The following NSMCE2 variants were observed in gnomAD, a reference collection of about 807,000 sequenced individuals.
NSMCE2 encodes E3 SUMO-protein ligase NSE2.
NSMCE2 carries 24 observed loss-of-function variants against 23.8 expected under a neutral mutation model. The observed-to-expected ratio is 1.01, with a 90% CI of 0.73 to 1.42. NSMCE2 has a LOEUF of 1.42. Among genes scored for constraint, NSMCE2 ranks in the 40% most tolerant of loss-of-function variants. The pLI is 0.00. For missense variants in NSMCE2, 284 were observed against 296.5 expected (o/e 0.96, Z 0.31); for synonymous variants, 92 against 94.1 (o/e 0.98, Z 0.13).
intron 5 of NSMCE2, among the ~76,000 whole-genome samples, chr8:125,290,359 G>A (rs975983033): frequency 1.5e-4 from 23 of 152,090 alleles, no homozygotes; most frequent in African/African-American, 5.3e-4. Flanking sequence ...AAGGAAAAAG[G>A]GGTGTCTCAT....
chr8:125,297,764 G>A (rs7387525), intron 5 of NSMCE2, among the ~76,000 whole-genome samples: 65,271 of 151,854 alleles, frequency 0.43, 16,807 homozygotes, highest in Non-Finnish European at 0.56. Context: ...GAGCCCAGGA[G>A]TTTGAGGCTA....
At chr8:125,203,479 C>G (rs1823977015) in intron 5 of NSMCE2, among the ~76,000 whole-genome samples, 1 of 152,170 alleles carries the variant, frequency 6.6e-6, no homozygotes, top group Non-Finnish European at 1.5e-5. Context: ...TCATCCTACC[C>G]CTACCTTGTA....
intron 7 of NSMCE2, among the ~76,000 whole-genome samples, chr8:125,360,311 G>T (rs1047945156): frequency 1.3e-5 from 2 of 152,174 alleles, no homozygotes; most frequent in African/African-American, 2.4e-5. Flanking sequence ...TGTGGATTGG[G>T]AGGTTATCAG....
At chr8:125,146,787 C>T (rs1029172144) in intron 3 of NSMCE2, among the ~76,000 whole-genome samples, 1 of 151,972 alleles carries the variant, frequency 6.6e-6, no homozygotes, top group Non-Finnish European at 1.5e-5. Flanking sequence ...AGGAGATATA[C>T]CTAATGTTAA....
chr8:125,151,819 C>G (rs538547953), intron 4 of NSMCE2, among the ~76,000 whole-genome samples: 1 of 152,308 alleles, frequency 6.6e-6, no homozygotes, highest in South Asian at 2.1e-4. Flanking sequence ...AAGGTGGGAA[C>G]ATAGCAACAT....
At position 125,251,664 on chromosome 8, in the gene NSMCE2, C is replaced by T. The variant is rs537151148; in HGVS notation, c.418+69408C>T. ...AAATAGCAACCACTTATTGGATGCCCGTTATGTCTTAGACAATGGAATAGT... is the reference window on the plus strand; with the variant it reads ...AAATAGCAACCACTTATTGGATGCCTGTTATGTCTTAGACAATGGAATAGT... On this transcript the variant is annotated intron_variant, in intron 5 of 7. Coordinates refer to ENST00000287437, the MANE Select transcript of NSMCE2 (RefSeq NM_173685.4). Among the ~76,000 whole-genome samples, 17 of 152,220 alleles carry T rather than the reference C, an allele frequency of 1.1e-4. 1 individual carries two copies. The South Asian group carries it at 1.7e-3, about 15-fold the overall frequency.
At chr8:125,228,334 T>C (rs1427050652) in intron 5 of NSMCE2, among the ~76,000 whole-genome samples, 1 of 152,158 alleles carries the variant, frequency 6.6e-6, no homozygotes, top group Non-Finnish European at 1.5e-5. Flanking sequence ...TGTTAATTGG[T>C]TAGAATAAAA....
intron 5 of NSMCE2, among the ~76,000 whole-genome samples, chr8:125,209,625 T>C (rs895384566): frequency 6.6e-6 from 1 of 152,158 alleles, no homozygotes; most frequent in African/African-American, 2.4e-5. Flanking sequence ...TTAAAGGTAG[T>C]TTTTCTCTGT....
At chr8:125,116,820 T>C (rs1298096336) in intron 3 of NSMCE2, among the ~76,000 whole-genome samples, 2 of 152,092 alleles carry the variant, frequency 1.3e-5, no homozygotes, top group Non-Finnish European at 2.9e-5. Flanking sequence ...TAATTATCAC[T>C]ATATGGGCCA....
intron 5 of NSMCE2, among the ~76,000 whole-genome samples, chr8:125,266,076 G>A (rs1454168223): frequency 6.7e-6 from 1 of 150,054 alleles, no homozygotes; most frequent in African/African-American, 2.4e-5. Flanking sequence ...AGCTTGCGGG[G>A]CAGGTCAAAT....
At chr8:125,325,293 A>G (rs1473400757) in intron 5 of NSMCE2, among the ~76,000 whole-genome samples, 1 of 126,588 alleles carries the variant, frequency 7.9e-6, no homozygotes, top group Non-Finnish European at 1.8e-5. Context: ...CCCCGTTTCT[A>G]TTAAAATAAA....
intron 3 of NSMCE2, among the ~76,000 whole-genome samples, chr8:125,116,885 C>CTTT (rs35636109): frequency 1.3e-4 from 17 of 129,534 alleles, no homozygotes; most frequent in Admixed American, 2.3e-4. Flanking sequence ...AAGCATATAA[C>CTTT]TTTTTTTTTT....
chr8:125,134,854 A>G (rs1329735549), intron 3 of NSMCE2, among the ~76,000 whole-genome samples: 1 of 151,044 alleles, frequency 6.6e-6, no homozygotes, highest in Non-Finnish European at 1.5e-5. Flanking sequence ...CAGCTTCCTG[A>G]GTAGTTGGGA....
intron 4 of NSMCE2, among the ~76,000 whole-genome samples, chr8:125,153,294 C>T (rs1027298464): frequency 3.3e-5 from 5 of 152,132 alleles, no homozygotes; most frequent in Middle Eastern, 3.4e-3. Flanking sequence ...TTAGTGATTC[C>T]GATGCTTATC....
intron 1 of NSMCE2, among the ~76,000 whole-genome samples, chr8:125,096,562 T>C (rs1472437492): frequency 6.7e-6 from 1 of 150,284 alleles, no homozygotes; most frequent in Non-Finnish European, 1.5e-5. Context: ...TTGGAGAAAA[T>C]AACTGTCACT....
At chr8:125,353,061 AGTG>A (rs1813106068) in intron 5 of NSMCE2, among the ~76,000 whole-genome samples, 1 of 152,114 alleles carries the variant, frequency 6.6e-6, no homozygotes, top group African/African-American at 2.4e-5. Flanking sequence ...AGCCTTCCCT[AGTG>A]GTAGGCATTG....
chr8:125,187,294 T>C (rs1823150288), intron 5 of NSMCE2, among the ~76,000 whole-genome samples: 2 of 152,186 alleles, frequency 1.3e-5, no homozygotes, highest in South Asian at 2.1e-4. Flanking sequence ...ACTAGGATAG[T>C]GATGGTGGTG....
intron 5 of NSMCE2, among the ~76,000 whole-genome samples, chr8:125,317,213 T>C (rs1829244386): frequency 6.6e-6 from 1 of 151,816 alleles, no homozygotes; most frequent in Non-Finnish European, 1.5e-5. Flanking sequence ...TTTTTTTTTA[T>C]TGGAGACAGG....
intron 5 of NSMCE2, among the ~76,000 whole-genome samples, chr8:125,247,142 A>T (rs1200560132): frequency 6.6e-6 from 1 of 151,824 alleles, no homozygotes; most frequent in South Asian, 2.1e-4. Flanking sequence ...CAGCCTGGGC[A>T]ACATGGTGAA....
Sources: allele counts gnomAD v4.1 joint callset (sites outside exome capture counted in the v4.1 genomes callset), GRCh38; gene constraint gnomAD v4.1.1; transcripts MANE v1.5; gene names NCBI Gene and HGNC (gene_info 2026-07-23, HGNC 2026-07-21).